Variants in HERC6 observed in about 807,000 individuals in gnomAD.
The protein encoded by HERC6 is HECT and RLD domain containing E3 ubiquitin protein ligase family member 6, also known as probable E3 ubiquitin-protein ligase HERC6.
In HERC6, 101 loss-of-function variants were observed where a neutral mutation model predicts 114.5. The observed-to-expected ratio is 0.88, with a 90% CI of 0.75 to 1.04. The LOEUF is 1.04. Ranked by LOEUF, HERC6 falls within the 50% of genes least tolerant of loss-of-function variation. The pLI is 0.00. For synonymous variants in HERC6, 408 were observed against 436.2 expected (o/e 0.94, Z 0.81); for missense variants, 1,133 against 1,230.9 (o/e 0.92, Z 1.19).
chr4:88,383,903 A>G (rs1734447681), intron 2 of HERC6, among the ~76,000 whole-genome samples: 1 of 151,966 alleles, frequency 6.6e-6, no homozygotes, highest in South Asian at 2.1e-4. Flanking sequence ...GAGTGAAATG[A>G]GATGTGACCC....
chr4:88,414,134 G>C (rs1311466017), intron 12 of HERC6, among the ~76,000 whole-genome samples: 1 of 152,034 alleles, frequency 6.6e-6, no homozygotes, highest in Non-Finnish European at 1.5e-5. Flanking sequence ...CAGCATACCA[G>C]GGTGCCATAT....
intron 17 of HERC6, 54 bp from the exon 18 acceptor site, chr4:88,435,671 C>T: frequency 8.4e-7 from 1 of 1,187,476 alleles, no homozygotes; most frequent in Non-Finnish European, 1.1e-6. Flanking sequence ...CTAATTATCC[C>T]TTTGTATTAC....
intron 8 of HERC6, among the ~76,000 whole-genome samples, chr4:88,401,993 G>A (rs1316913978): frequency 1.3e-5 from 2 of 152,176 alleles, no homozygotes. Flanking sequence ...AGTACAATAG[G>A]AAATGGACAA....
intron 5 of HERC6, among the ~76,000 whole-genome samples, chr4:88,395,262 T>C (rs1477470432): frequency 6.6e-6 from 1 of 152,192 alleles, no homozygotes; most frequent in Non-Finnish European, 1.5e-5. Context: ...AAGCTAGAGT[T>C]GTTTGTAATC....
intron 16 of HERC6, among the ~76,000 whole-genome samples, chr4:88,430,609 TAAA>T (rs967285533): frequency 1.3e-5 from 2 of 150,990 alleles, no homozygotes; most frequent in African/African-American, 4.9e-5. Context: ...AATAAATAAA[TAAA>T]AAGAGGGACT....
intron 1 of HERC6, 120 bp from the exon 2 acceptor site, chr4:88,383,101 A>G (rs1578365795): frequency 5.5e-6 from 7 of 1,275,340 alleles, no homozygotes; most frequent in East Asian, 2.6e-5. Context: ...TCAAAAGACC[A>G]TTGGAGGAGA....
intron 13 of HERC6, among the ~76,000 whole-genome samples, chr4:88,420,642 TTC>T (rs1466469895): frequency 6.6e-6 from 1 of 152,166 alleles, no homozygotes; most frequent in Non-Finnish European, 1.5e-5. Flanking sequence ...TGAGATATAA[TTC>T]TCTCATTTAA....
At chr4:88,397,763 T>A (rs1735324247) in intron 7 of HERC6, among the ~76,000 whole-genome samples, 1 of 152,114 alleles carries the variant, frequency 6.6e-6, no homozygotes, top group African/African-American at 2.4e-5. Context: ...TACTTAAACA[T>A]CAGAACAATA....
intron 15 of HERC6, among the ~76,000 whole-genome samples, 177 bp from the exon 16 acceptor site, chr4:88,428,403 C>T (rs1178062378): frequency 6.6e-6 from 1 of 152,204 alleles, no homozygotes; most frequent in Non-Finnish European, 1.5e-5. Context: ...TACAATCACT[C>T]CACCTTCCAT....
intron 1 of HERC6, among the ~76,000 whole-genome samples, chr4:88,379,804 TATATAAATATATATATAAC>T (rs1560528043): frequency 1.3e-4 from 10 of 79,686 alleles, no homozygotes; most frequent in Admixed American, 5.2e-4. Context: ...ATATATATAA[TATATAAATATATATATAAC>T]ATATAAATAT....
intron 8 of HERC6, among the ~76,000 whole-genome samples, chr4:88,403,078 G>A (rs1735629447): frequency 2.0e-5 from 3 of 152,198 alleles, no homozygotes; most frequent in Admixed American, 2.0e-4. Flanking sequence ...TTGGAGGACT[G>A]TATTGAAAAT....
chr4:88,410,211 G>A (rs1241064396), intron 11 of HERC6, among the ~76,000 whole-genome samples: 3 of 152,248 alleles, frequency 2.0e-5, no homozygotes, highest in South Asian at 2.1e-4. Flanking sequence ...CAGGAGACAC[G>A]ACACATCAAT....
chr4:88,404,914 A>G lies in HERC6; in HGVS notation c.1131A>G (p.Pro377=). Residue 377 remains proline (P), a synonymous_variant, in exon 9 of 23, where the codon CCA becomes CCG. Transcript: ENST00000264346. ...SSTRAPGKTL[P]EISRISQSMA... ...CACGTGCTCCCGGGAAAACCCTGCC[A>G]GAAATAAGCCGAATTAGCCAGTCCA... is the stretch of plus-strand genomic sequence containing the variant. The G allele has an allele frequency of 6.2e-7, 1 of 1,613,924 alleles. No individual in the cohort carries two copies. Among genetic ancestry groups the G allele is most frequent in the Non-Finnish European group, 8.5e-7 (1 of 1,179,800 alleles).
intron 13 of HERC6, among the ~76,000 whole-genome samples, chr4:88,422,493 T>C (rs958336714): frequency 1.3e-5 from 2 of 152,248 alleles, no homozygotes; most frequent in East Asian, 3.8e-4. Flanking sequence ...TTTTAGATCA[T>C]GAATGGATAC....
In HERC6 at chr4:88,385,576, G is replaced by A; in HGVS notation, c.436+1G>A. 6.8e-7 allele frequency: 1 copy of A among 1,473,768 alleles called. No individual in the cohort carries two copies. Among genetic ancestry groups the A allele is most frequent in the East Asian group, 2.5e-5 (1 of 39,590 alleles). 91.3% of individuals were successfully genotyped at this position (1,473,768 alleles called of 1,614,324 possible). On this transcript the variant is annotated splice_donor_variant, in intron 3 of 22. Coordinates refer to ENST00000264346, the MANE Select transcript of HERC6 (RefSeq NM_017912.4). LOFTEE classifies it high-confidence loss of function. ...TACCACTCCCTGGCATTATCAAAAG[G>A]TAAGAAACACTTTTTGGATCTGAGT...
intron 8 of HERC6, among the ~76,000 whole-genome samples, chr4:88,401,060 G>A (rs899765642): frequency 4.6e-5 from 7 of 152,086 alleles, no homozygotes; most frequent in Admixed American, 2.0e-4. Flanking sequence ...TTATTGCAGA[G>A]GAGAGAGAAG....
intron 8 of HERC6, among the ~76,000 whole-genome samples, chr4:88,403,649 G>A (rs1735661890): frequency 6.6e-6 from 1 of 152,076 alleles, no homozygotes; most frequent in Non-Finnish European, 1.5e-5. Context: ...AGCTACTCGG[G>A]AGGCTGAGGC....
At chr4:88,385,018 G>A (rs1242809006) in intron 2 of HERC6, among the ~76,000 whole-genome samples, 1 of 135,482 alleles carries the variant, frequency 7.4e-6, no homozygotes, top group Non-Finnish European at 1.6e-5. Context: ...GCAAGACTCC[G>A]TCTGTGAAAA....
chr4:88,396,224 T>C, intron 6 of HERC6, 82 bp downstream of exon 6: 4 of 1,209,768 alleles, frequency 3.3e-6, no homozygotes, highest in Non-Finnish European at 4.4e-6. Context: ...TCATATGGAA[T>C]GTTATCAAAC....
Sources: gnomAD v4.1 joint callset for allele counts (sites outside exome capture counted in the v4.1 genomes callset) on GRCh38, gnomAD v4.1.1 for gene constraint, MANE v1.5 for transcripts, NCBI Gene and HGNC (gene_info 2026-07-23, HGNC 2026-07-21) for gene names.